The following EPHB2 variants were observed in gnomAD, a reference collection of about 807,000 sequenced individuals.
EPHB2 encodes EPH receptor B2.
A neutral mutation model predicts 96.4 loss-of-function variants in EPHB2; 18 were observed. The observed-to-expected ratio is 0.19, with a 90% CI of 0.13 to 0.28. The LOEUF is 0.28. Among genes scored for constraint, EPHB2 ranks in the 10% least tolerant of loss-of-function variants. The pLI, the probability that EPHB2 is intolerant of heterozygous loss-of-function variation, is 1.00. For synonymous variants in EPHB2, 506 were observed against 534.1 expected (o/e 0.95, Z 0.72); for missense variants, 989 against 1,355.4 (o/e 0.73, Z 4.25).
chr1:22,878,823 C>G (rs1427555796), intron 5 of EPHB2, among the ~76,000 whole-genome samples: 2 of 152,258 alleles, frequency 1.3e-5, no homozygotes, highest in African/African-American at 2.4e-5. Context: ...GACCTGGGCA[C>G]TGTGCGGGTC....
intron 3 of EPHB2, among the ~76,000 whole-genome samples, chr1:22,851,410 G>T (rs1645623825): frequency 6.6e-6 from 1 of 152,222 alleles, no homozygotes; most frequent in African/African-American, 2.4e-5. Context: ...GCAGCTGGAG[G>T]AGGGCAAGGA....
At chr1:22,772,443 T>TTAGCTGGG (rs1644393495) in intron 1 of EPHB2, among the ~76,000 whole-genome samples, 1 of 152,192 alleles carries the variant, frequency 6.6e-6, no homozygotes, top group Non-Finnish European at 1.5e-5. Context: ...GGATTTTACA[T>TTAGCTGGG]TAGCTGGGTT....
chr1:22,844,990 A>C (rs1433354826), intron 3 of EPHB2, among the ~76,000 whole-genome samples: 4 of 152,210 alleles, frequency 2.6e-5, no homozygotes, highest in Non-Finnish European at 4.4e-5. Flanking sequence ...GAATGCTCAG[A>C]GCCTCAGTTT....
intron 5 of EPHB2, among the ~76,000 whole-genome samples, chr1:22,876,153 G>A (rs533510759): frequency 7.2e-5 from 11 of 152,148 alleles, no homozygotes; most frequent in Non-Finnish European, 1.5e-4. Flanking sequence ...TGCAAGTCTG[G>A]GGCTTGGGAT....
intron 3 of EPHB2, among the ~76,000 whole-genome samples, chr1:22,801,256 T>C (rs2148447483): frequency 6.6e-6 from 1 of 152,260 alleles, no homozygotes; most frequent in South Asian, 2.1e-4. Context: ...CGAAGCACTT[T>C]CATCTGGGGA....
intron 8 of EPHB2, 70 bp from the exon 9 acceptor site, chr1:22,896,344 T>C (rs1043840365): frequency 3.1e-6 from 5 of 1,606,390 alleles, no homozygotes; most frequent in Non-Finnish European, 4.3e-6. Context: ...CCTCTCCCTA[T>C]CACCTACTGT....
intron 3 of EPHB2, among the ~76,000 whole-genome samples, chr1:22,823,591 C>T (rs1645182583): frequency 6.6e-6 from 1 of 152,184 alleles, no homozygotes; most frequent in Non-Finnish European, 1.5e-5. Flanking sequence ...GTGTCTGTCA[C>T]TGTCTCCTCA....
chr1:22,823,922 G>A (rs1240049871), intron 3 of EPHB2, among the ~76,000 whole-genome samples: 2 of 152,262 alleles, frequency 1.3e-5, no homozygotes, highest in Non-Finnish European at 2.9e-5. Context: ...CAGTGAGCGA[G>A]TGAGTGGCTG....
At chr1:22,782,027 C>T (rs554770330) in intron 2 of EPHB2, among the ~76,000 whole-genome samples, 1 of 152,056 alleles carries the variant, frequency 6.6e-6, no homozygotes, top group South Asian at 2.1e-4. Flanking sequence ...ACAAAGCTCC[C>T]CCTCCTTTGG....
At chr1:22,797,066 C>A (rs558734447) in intron 3 of EPHB2, among the ~76,000 whole-genome samples, 1 of 152,278 alleles carries the variant, frequency 6.6e-6, no homozygotes, top group South Asian at 2.1e-4. Context: ...GGGCTATTGT[C>A]CCCATTCTTC....
intron 3 of EPHB2, among the ~76,000 whole-genome samples, chr1:22,816,658 C>T (rs889254667): frequency 6.6e-6 from 1 of 152,218 alleles, no homozygotes; most frequent in African/African-American, 2.4e-5. Flanking sequence ...CACAGTCTAC[C>T]CTCCAGGTCT....
chr1:22,726,582 G>A (rs943493978), intron 1 of EPHB2, among the ~76,000 whole-genome samples: 2 of 151,790 alleles, frequency 1.3e-5, no homozygotes, highest in Non-Finnish European at 2.9e-5. Flanking sequence ...CACCACACCC[G>A]GCTAATTTTT....
chr1:22,880,304 C>A (rs1638994272), intron 5 of EPHB2, among the ~76,000 whole-genome samples: 1 of 152,232 alleles, frequency 6.6e-6, no homozygotes. Context: ...TGAACTCCTA[C>A]CAGGCCTGCT....
chr1:22,798,460 A>ATT (rs796455015), intron 3 of EPHB2, among the ~76,000 whole-genome samples: 61 of 143,172 alleles, frequency 4.3e-4, no homozygotes, highest in African/African-American at 1.5e-3. Context: ...AGTCTTACCC[A>ATT]TTTTTTTTTT....
At chr1:22,748,055 C>CA in intron 1 of EPHB2, among the ~76,000 whole-genome samples, 1 of 152,322 alleles carries the variant, frequency 6.6e-6, no homozygotes, top group East Asian at 1.9e-4. Context: ...CATCCTGGCT[C>CA]AACTTCCTGC....
intron 1 of EPHB2, among the ~76,000 whole-genome samples, chr1:22,720,079 C>T (rs1383941091): frequency 9.8e-5 from 15 of 152,308 alleles, no homozygotes; most frequent in East Asian, 1.9e-4. Flanking sequence ...GGTCCCCCTA[C>T]GCTCCTCGCT....
At chr1:22,843,471 A>G (rs1645497639) in intron 3 of EPHB2, among the ~76,000 whole-genome samples, 1 of 152,154 alleles carries the variant, frequency 6.6e-6, no homozygotes, top group South Asian at 2.1e-4. Flanking sequence ...CCCAATAGGT[A>G]GTTTTTCGAT....
rs1051544219 is a variant in EPHB2 at position 22,781,556 on chromosome 1, C to A, written c.126+71C>A. ...CAAGCCCTGCTGCAGGGCCCGAATGCCCCCTCATATTCTAACCCCTTTCCC... is the reference window on the plus strand; with the variant it reads ...CAAGCCCTGCTGCAGGGCCCGAATGACCCCTCATATTCTAACCCCTTTCCC... On this transcript the variant is annotated intron_variant, in intron 2 of 15. Transcript: ENST00000374630. 25 of 1,493,506 alleles carry A rather than the reference C, an allele frequency of 1.7e-5. No individual in the cohort carries two copies. The African/African-American group carries it at 3.0e-4, about 18-fold the overall frequency. The allele number at this position is 1,493,506 out of a possible 1,614,324, so 92.5% of individuals were successfully genotyped here.
intron 9 of EPHB2, among the ~76,000 whole-genome samples, chr1:22,901,464 C>T (rs1018498689): frequency 6.6e-6 from 1 of 152,230 alleles, no homozygotes; most frequent in Non-Finnish European, 1.5e-5. Flanking sequence ...ACTCTGTACA[C>T]TGGTTCCTCT....
Sources: gnomAD v4.1 joint callset for allele counts (sites outside exome capture counted in the v4.1 genomes callset) on GRCh38, gnomAD v4.1.1 for gene constraint, MANE v1.5 for transcripts, NCBI Gene and HGNC (gene_info 2026-07-23, HGNC 2026-07-21) for gene names.